RD3: variants seen among roughly 807,000 people sequenced by gnomAD.
RD3 encodes RD3 regulator of GUCY2D, also known as protein RD3.
RD3 carries 11 observed loss-of-function variants against 16.9 expected under a neutral mutation model. That is an observed-to-expected ratio of 0.65 (90% CI 0.41 to 1.08). The LOEUF (loss-of-function observed/expected upper bound fraction) is 1.08. RD3 is among the 50% of genes least tolerant of loss of function. RD3 has a pLI of 0.00. For missense variants in RD3, 274 were observed against 267.4 expected, an observed-to-expected ratio of 1.02 and a Z score of -0.17; for synonymous variants, 116 against 114.8, an observed-to-expected ratio of 1.01 and a Z score of -0.07.
chr1:211,489,974 T>G (rs1338551387), intron 1 of RD3, among the ~76,000 whole-genome samples: 2 of 152,178 alleles, frequency 1.3e-5, no homozygotes, highest in African/African-American at 4.8e-5. Context: ...TCTCCTTCAT[T>G]ACCCCTTCCA....
chr1:211,485,019 G>T (rs1558181049), intron 1 of RD3, among the ~76,000 whole-genome samples: 1 of 152,246 alleles, frequency 6.6e-6, no homozygotes, highest in Admixed American at 6.5e-5. Context: ...TGCCCACAGG[G>T]TGGCATGTCT....
At position 211,477,324 on chromosome 1, in the gene RD3, C is replaced by A. The variant is rs190357778; in HGVS notation, c.*1712G>T. 6.6e-6 allele frequency: 1 copy of A among 151,834 alleles called. No homozygotes were observed. Among genetic ancestry groups the A allele is most frequent in the African/African-American group, 2.4e-5 (1 of 41,298 alleles). The allele number at this position is 151,834 out of a possible 1,614,324, so 9.4% of individuals were successfully genotyped here. A position where few individuals can be genotyped will look rare whatever the true frequency, so the allele number is the denominator to read the frequency against. ...ACAAAAATTAGCTGGGGTGATGGCA[C>A]GTGCCTGTAGTCCCAGCTACTTAGG... On this transcript the variant is annotated 3_prime_UTR_variant, in exon 3 of 3. Coordinates refer to ENST00000680073, the MANE Select transcript of RD3 (RefSeq NM_001164688.2).
intron 1 of RD3, among the ~76,000 whole-genome samples, chr1:211,486,423 T>C: frequency 6.6e-6 from 1 of 151,648 alleles, no homozygotes; most frequent in East Asian, 1.9e-4. Flanking sequence ...CGATTGAACC[T>C]GGGAGGCAGA....
intron 1 of RD3, among the ~76,000 whole-genome samples, chr1:211,488,532 C>CG: frequency 9.3e-6 from 1 of 107,746 alleles, no homozygotes; most frequent in East Asian, 2.5e-4. Context: ...AAGACTCTGT[C>CG]AAAAAAAAAA....
At position 211,478,929 on chromosome 1, in the gene RD3, C is replaced by T; in HGVS notation, c.*107G>A. Reference sequence around the variant, plus strand: ...CTTGGGATGGGGCCGCCTCTTGGGTCTCCTCGTCAGGCCTAGGTGGGGAGG... The same window carrying T: ...CTTGGGATGGGGCCGCCTCTTGGGTTTCCTCGTCAGGCCTAGGTGGGGAGG... On this transcript the variant is annotated 3_prime_UTR_variant, in exon 3 of 3. Transcript: ENST00000680073. 8.0e-6 allele frequency: 8 copies of T among 1,002,864 alleles called. No individual in the cohort carries two copies. Among genetic ancestry groups the T allele is most frequent in the Non-Finnish European group, 1.1e-5 (8 of 722,096 alleles). The allele number at this position is 1,002,864 out of a possible 1,614,324, so 62.1% of individuals were successfully genotyped here. A position where few individuals can be genotyped will look rare whatever the true frequency, so the allele number is the denominator to read the frequency against.
In RD3 at chr1:211,479,271, A is replaced by G; in HGVS notation, c.353T>C (p.Phe118Ser). Residue 118 changes from phenylalanine to serine, a missense_variant, in exon 3 of 3, where the codon TTC becomes TCC. Phe to Ser is a radical substitution (Grantham distance 155). Coordinates refer to ENST00000680073, the MANE Select transcript of RD3 (RefSeq NM_001164688.2). The stretch of plus-strand genomic sequence containing the variant: ...CAGGACCTCCTGCAGCACCGAGCGG[A>G]AGAGCTGGGACACCTCCTGCACCTC... ...EPEVQEVSQL[F>S]RSVLQEVLER... 1 of 1,606,466 alleles carries G rather than the reference A, an allele frequency of 6.2e-7. No homozygotes were observed. Among genetic ancestry groups the G allele is most frequent in the South Asian group, 1.1e-5 (1 of 89,548 alleles).
chr1:211,491,337 C>T (rs1705485777), intron 1 of RD3, among the ~76,000 whole-genome samples: 1 of 152,182 alleles, frequency 6.6e-6, no homozygotes, highest in African/African-American at 2.4e-5. Flanking sequence ...AGTAGATGCT[C>T]GAATCACAGT....
chr1:211,485,621 G>C (rs908714155), intron 1 of RD3, among the ~76,000 whole-genome samples: 1 of 152,184 alleles, frequency 6.6e-6, no homozygotes, highest in Non-Finnish European at 1.5e-5. Flanking sequence ...TTAAACAACA[G>C]AAAGAGTGAC....
rs757374757 is a variant in RD3 at position 211,481,327 on chromosome 1, A to T, written c.89T>A (p.Met30Lys). The change falls in exon 2 of 3, where the codon ATG becomes AAG. Residue 30 changes from methionine (M) to lysine (K), a missense_variant. By Grantham distance (95) the Met-to-Lys change is moderately conservative. Coordinates refer to ENST00000680073, the MANE Select transcript of RD3 (RefSeq NM_001164688.2). ...TCGCATCTGCCCCGTCAGCTCCATC[A>T]TAAGCGTCTCCAGCACCATCTCAGC... Reference protein sequence around the residue: ...SPAEMVLETLMMELTGQMREA... With the variant: ...SPAEMVLETLKMELTGQMREA... 66 of 1,614,048 alleles carry T rather than the reference A, an allele frequency of 4.1e-5. No individual in the cohort carries two copies. In the East Asian group the frequency reaches 7.8e-4, roughly 19 times the overall value.
chr1:211,489,035 G>A (rs1039275982), intron 1 of RD3, among the ~76,000 whole-genome samples: 2 of 152,104 alleles, frequency 1.3e-5, no homozygotes, highest in Admixed American at 6.5e-5. Flanking sequence ...TTCCCCTCCC[G>A]TGTATGCTGC....
At chr1:211,491,714 G>A (rs944168111) in intron 1 of RD3, 54 bp downstream of exon 1, 1 of 152,424 alleles carries the variant, frequency 6.6e-6, no homozygotes, top group East Asian at 1.9e-4. Flanking sequence ...AGGTGCAGCT[G>A]TGCCAGGGTG....
rs1267291637 is a variant in RD3, at chr1:211,481,425, C to T, written c.-10G>A. 4.3e-6 allele frequency: 7 copies of T among 1,611,850 alleles called. No homozygotes were observed. The highest frequency in any genetic ancestry group is 8.5e-7 in the Non-Finnish European group (1 of 1,179,980). On this transcript the variant is annotated splice_region_variant and 5_prime_UTR_variant, in exon 2 of 3. Transcript: ENST00000680073. ...ATGAGATGAGAGACATAGCCCCTGG[C>T]CCTGCTGAGACAGGACAGATGTGCA...
rs1432892672 is a variant in RD3, at chr1:211,479,136, G to A, written c.488C>T (p.Ala163Val). ...CTCGGAGATGGTCCTGATGTCGCTG[G>A]CGAAGGGCGAGATGCGCGCGCGGGT... Reference protein sequence around the residue: ...FKTRARISPFASDIRTISEDV... With the variant: ...FKTRARISPFVSDIRTISEDV... The change falls in exon 3 of 3, where the codon GCC becomes GTC. Residue 163 changes from alanine to valine, a missense_variant. By Grantham distance (64) the Ala-to-Val change is moderately conservative. Transcript: ENST00000680073. The A allele has an allele frequency of 1.2e-6, 2 of 1,612,596 alleles. No individual in the cohort carries two copies. Among genetic ancestry groups the A allele is most frequent in the Non-Finnish European group, 1.7e-6 (2 of 1,179,642 alleles).
rs558742751 is a variant in RD3, at chr1:211,491,251, G to A, written c.-12+517C>T. Among the ~76,000 whole-genome samples, 3 of 152,310 alleles carry A rather than the reference G, an allele frequency of 2.0e-5. No individual in the cohort carries two copies. In the South Asian group the frequency reaches 6.2e-4, roughly 32 times the overall value. On this transcript the variant is annotated intron_variant, in intron 1 of 2. Transcript: ENST00000680073. The stretch of plus-strand genomic sequence containing the variant: ...TGCACAGACTGCTCCATGTTCGAGG[G>A]GACTGAGGCACATCCATCACCCTCG...
At chr1:211,481,824 AAC>A (rs149191122) in intron 1 of RD3, among the ~76,000 whole-genome samples, 7 of 151,446 alleles carry the variant, frequency 4.6e-5, no homozygotes, top group African/African-American at 7.3e-5. Flanking sequence ...ACTTAAGGGG[AAC>A]ACACACACAC....
In RD3 at chr1:211,477,854, C is replaced by T. The variant is rs1169620691; in HGVS notation, c.*1182G>A. The T allele has an allele frequency of 8.1e-6, 3 of 370,366 alleles. No individual in the cohort carries two copies. The highest frequency in any genetic ancestry group is 1.4e-5 in the Non-Finnish European group (3 of 209,624). 22.9% of individuals were successfully genotyped at this position (370,366 alleles called of 1,614,324 possible). A position where few individuals can be genotyped will look rare whatever the true frequency, so the allele number is the denominator to read the frequency against. ...GACACTTCCCCACCCATCCCCCTTA[C>T]ACCCCACTTCAACCCCAGAGTGTGT... On this transcript the variant is annotated 3_prime_UTR_variant, in exon 3 of 3. Transcript: ENST00000680073.
intron 1 of RD3, among the ~76,000 whole-genome samples, chr1:211,487,248 C>T (rs1189627194): frequency 6.6e-6 from 1 of 152,200 alleles, no homozygotes; most frequent in East Asian, 1.9e-4. Context: ...ATCCCTGCCC[C>T]GTTCATTCTC....
Position 211,481,384 on chromosome 1 carries a change from T to C in RD3, c.32A>G (p.Glu11Gly). 1.9e-6 allele frequency: 3 copies of C among 1,613,382 alleles called. No individual in the cohort carries two copies. The highest frequency in any genetic ancestry group is 2.2e-5 in the South Asian group (2 of 91,044). The change falls in exon 2 of 3, where the codon GAG (glutamate) becomes GGG (glycine). Residue 11 changes from glutamate (E) to glycine (G), a missense_variant. Coordinates refer to ENST00000680073, the MANE Select transcript of RD3 (RefSeq NM_001164688.2). ...CCTGGTGGACAGCCGGGATGGGGCCTCGTTCCACCGAAGCCATGAGATGAG... is the reference window on the plus strand; with the variant it reads ...CCTGGTGGACAGCCGGGATGGGGCCCCGTTCCACCGAAGCCATGAGATGAG... MSLISWLRWN[E>G]APSRLSTRSP...
Position 211,479,131 on chromosome 1 carries a change from C to A in RD3, c.493G>T (p.Asp165Tyr), listed in dbSNP as rs746738197. Residue 165 changes from aspartate to tyrosine, a missense_variant, in exon 3 of 3, where the codon GAC (aspartate) becomes TAC (tyrosine). Transcript: ENST00000680073. ...TRARISPFAS[D>Y]IRTISEDVER... is the part of the protein sequence containing the mutation. ...ACGTCCTCGGAGATGGTCCTGATGT[C>A]GCTGGCGAAGGGCGAGATGCGCGCG... is the stretch of plus-strand genomic sequence containing the variant. 57 of 1,612,678 alleles carry A rather than the reference C, an allele frequency of 3.5e-5. No homozygotes were observed. Among genetic ancestry groups the A allele is most frequent in the Non-Finnish European group, 4.7e-5 (56 of 1,179,636 alleles).
Sources: gnomAD v4.1 joint callset for allele counts (sites outside exome capture counted in the v4.1 genomes callset) on GRCh38, gnomAD v4.1.1 for gene constraint, MANE v1.5 for transcripts, NCBI Gene and HGNC (gene_info 2026-07-23, HGNC 2026-07-21) for gene names.